Variants in DPYD observed in about 807,000 individuals in gnomAD.
DPYD encodes dihydropyrimidine dehydrogenase.
Under a neutral mutation model 116.2 loss-of-function variants are expected in DPYD, and 109 were observed. The ratio of observed to expected loss-of-function variants is 0.94; its 90% CI spans 0.80 to 1.10. DPYD has a LOEUF of 1.10. Among genes scored for constraint, DPYD ranks in the 50% least tolerant of loss-of-function variants. The probability of loss-of-function intolerance (pLI) is 0.00; values close to 1 mark genes in which losing one functional copy is unlikely to be tolerated. For synonymous variants in DPYD, 440 were observed against 432.0 expected (o/e 1.02, Z -0.23); for missense variants, 1,302 against 1,254.5 (o/e 1.04, Z -0.57).
rs1658462295 is a variant in DPYD at position 97,192,750 on chromosome 1, CATAAAGAA to C, written c.2622+311_2622+318del. On this transcript the variant is annotated intron_variant, in intron 20 of 22. Transcript: ENST00000370192. ...AGGTAATGTTATAATTTCCAGAAAG[CATAAAGAA>C]ATCTCCAGACTCCCACTGGGAAGAA... Among the ~76,000 whole-genome samples, 8 of 152,264 alleles carry C rather than the reference CATAAAGAA, an allele frequency of 5.3e-5. No individual in the cohort carries two copies. The South Asian group carries it at 1.2e-3, about 24-fold the overall frequency.
At chr1:97,774,974 G>T in intron 3 of DPYD, 1 of 329,090 alleles carries the variant, frequency 3.0e-6, no homozygotes, top group South Asian at 3.0e-5. Context: ...TGCCAAACTG[G>T]AGTAGGGACA....
At chr1:97,419,976 T>A (rs1009501808) in intron 14 of DPYD, 2 of 152,162 alleles carry the variant, frequency 1.3e-5, no homozygotes, top group African/African-American at 4.8e-5. Context: ...CAATTGTGGA[T>A]AAAATGAATA....
chr1:97,805,359 C>T (rs141350936), intron 3 of DPYD, among the ~76,000 whole-genome samples: 6 of 151,816 alleles, frequency 4.0e-5, no homozygotes, highest in Admixed American at 6.6e-5. Flanking sequence ...AACTTTCTTA[C>T]GTGTCCAGAT....
At chr1:97,173,257 C>CACACATATATGT (rs1491515660) in intron 20 of DPYD, among the ~76,000 whole-genome samples, 8 of 125,524 alleles carry the variant, frequency 6.4e-5, no homozygotes, top group Admixed American at 1.6e-4. Flanking sequence ...TACATATATG[C>CACACATATATGT]ACACATATGT....
At chr1:97,901,524 A>G (rs1232699613) in intron 1 of DPYD, among the ~76,000 whole-genome samples, 3 of 151,888 alleles carry the variant, frequency 2.0e-5, no homozygotes, top group African/African-American at 7.2e-5. Context: ...AGGACTTGAT[A>G]ACAATGAGTA....
intron 20 of DPYD, among the ~76,000 whole-genome samples, chr1:97,129,223 C>T (rs548296070): frequency 6.6e-5 from 10 of 151,988 alleles, no homozygotes; most frequent in African/African-American, 2.4e-4. Flanking sequence ...GCCACCACAC[C>T]CAGCTAATTT....
rs763260651 is a variant in DPYD, at chr1:97,751,460, G to GTGTATGTATA, written c.234-10982_234-10981insTATACATACA. ...TGTGTGTGTGTGTGTGTGTGTGTGTGTATATATATATATATATATATATAT... is the reference window on the plus strand; with the variant it reads ...TGTGTGTGTGTGTGTGTGTGTGTGTGTGTATGTATATATATATATATATATATATATATAT... On this transcript the variant is annotated intron_variant, in intron 3 of 22. Coordinates refer to ENST00000370192, the MANE Select transcript of DPYD (RefSeq NM_000110.4). 3.6e-3 allele frequency among the ~76,000 whole-genome samples: 76 copies of GTGTATGTATA among 21,282 alleles called. 2 individuals are homozygous for GTGTATGTATA. The highest frequency in any genetic ancestry group is 6.7e-3 in the African/African-American group (39 of 5,778). The allele number at this position is 21,282 out of a possible 152,430, so 14.0% of individuals were successfully genotyped here.
At chr1:97,134,233 T>C (rs2101678423) in intron 20 of DPYD, among the ~76,000 whole-genome samples, 1 of 151,620 alleles carries the variant, frequency 6.6e-6, no homozygotes, top group South Asian at 2.1e-4. Flanking sequence ...AGAACATCAC[T>C]TTCAACATTT....
At chr1:97,125,060 T>A (rs997292366) in intron 20 of DPYD, among the ~76,000 whole-genome samples, 8 of 152,148 alleles carry the variant, frequency 5.3e-5, no homozygotes, top group African/African-American at 1.9e-4. Flanking sequence ...GAAACCTTTT[T>A]AAAAGGCTTA....
At chr1:97,572,899 T>A (rs1220377279) in intron 11 of DPYD, among the ~76,000 whole-genome samples, 1 of 152,000 alleles carries the variant, frequency 6.6e-6, no homozygotes, top group Non-Finnish European at 1.5e-5. Context: ...ACAAAAAATG[T>A]AATTTTAGCA....
intron 11 of DPYD, among the ~76,000 whole-genome samples, chr1:97,573,392 T>C (rs916329564): frequency 6.6e-6 from 1 of 152,092 alleles, no homozygotes; most frequent in African/African-American, 2.4e-5. Flanking sequence ...TAGATTTTGA[T>C]TTGTCTGAAT....
At chr1:97,224,550 A>G (rs553813423) in intron 19 of DPYD, among the ~76,000 whole-genome samples, 1 of 152,050 alleles carries the variant, frequency 6.6e-6, no homozygotes, top group Admixed American at 6.6e-5. Flanking sequence ...GCAAATATCT[A>G]GTATAAAATA....
intron 20 of DPYD, among the ~76,000 whole-genome samples, chr1:97,182,295 A>G (rs1480294610): frequency 6.6e-6 from 1 of 152,128 alleles, no homozygotes; most frequent in Non-Finnish European, 1.5e-5. Flanking sequence ...TTAAGATATC[A>G]CTCAAACCAT....
intron 3 of DPYD, among the ~76,000 whole-genome samples, chr1:97,746,221 T>C (rs1013548387): frequency 1.3e-5 from 2 of 152,172 alleles, no homozygotes; most frequent in Non-Finnish European, 2.9e-5. Flanking sequence ...CCTATTCTAG[T>C]CTGTAACATT....
chr1:97,755,416 T>G (rs1418482914), intron 3 of DPYD, among the ~76,000 whole-genome samples: 1 of 152,116 alleles, frequency 6.6e-6, no homozygotes, highest in East Asian at 1.9e-4. Context: ...GGTCTTAGGC[T>G]CCTGTTTTCC....
chr1:97,368,672 G>T (rs566703478), intron 16 of DPYD, among the ~76,000 whole-genome samples: 1 of 152,264 alleles, frequency 6.6e-6, no homozygotes, highest in South Asian at 2.1e-4. Context: ...AGACAACAAT[G>T]TCAGGAACTC....
At chr1:97,445,732 T>TG (rs896488232) in intron 14 of DPYD, among the ~76,000 whole-genome samples, 1 of 151,454 alleles carries the variant, frequency 6.6e-6, no homozygotes, top group African/African-American at 2.4e-5. Context: ...CTGATTTTTT[T>TG]TTTTTTTTTG....
chr1:97,418,579 C>T (rs1426571603), intron 14 of DPYD, among the ~76,000 whole-genome samples: 3 of 152,104 alleles, frequency 2.0e-5, no homozygotes, highest in African/African-American at 7.2e-5. Context: ...GGATTAAAGG[C>T]GTGAGTCACT....
At chr1:97,741,390 C>A (rs960475522) in intron 3 of DPYD, among the ~76,000 whole-genome samples, 13 of 152,120 alleles carry the variant, frequency 8.5e-5, no homozygotes, top group African/African-American at 2.4e-4. Flanking sequence ...CTAAGAACCA[C>A]CTGGGAAGCT....
Sources: allele counts gnomAD v4.1 joint callset (sites outside exome capture counted in the v4.1 genomes callset), GRCh38; gene constraint gnomAD v4.1.1; transcripts MANE v1.5; gene names NCBI Gene and HGNC (gene_info 2026-07-23, HGNC 2026-07-21).